Variants in DDX19A observed in about 807,000 individuals in gnomAD.
The protein encoded by DDX19A is DEAD-box helicase 19A.
In DDX19A, 12 loss-of-function variants were observed where a neutral mutation model predicts 60.6. The ratio of observed to expected loss-of-function variants is 0.20; its 90% CI spans 0.13 to 0.32. DDX19A has a LOEUF of 0.32. DDX19A is among the 10% of genes least tolerant of loss of function. DDX19A has a pLI of 1.00. For synonymous variants in DDX19A, 206 were observed against 218.2 expected, an observed-to-expected ratio of 0.94 and a Z score of 0.49; for missense variants, 337 against 600.6, an observed-to-expected ratio of 0.56 and a Z score of 4.59.
intron 2 of DDX19A, among the ~76,000 whole-genome samples, chr16:70,354,758 C>T (rs1964130781): frequency 6.6e-6 from 1 of 152,108 alleles, no homozygotes; most frequent in Admixed American, 6.6e-5. Flanking sequence ...GGCTGGGCAA[C>T]ATGGCAAGAC....
chr16:70,362,115 C>T (rs923347000), intron 5 of DDX19A, among the ~76,000 whole-genome samples: 2 of 150,690 alleles, frequency 1.3e-5, no homozygotes, highest in Admixed American at 6.6e-5. Context: ...GCAGAGGTTG[C>T]AGTGAGCCGA....
intron 4 of DDX19A, chr16:70,356,882 G>A: frequency 7.8e-7 from 1 of 1,277,194 alleles, no homozygotes; most frequent in South Asian, 1.3e-5. Flanking sequence ...GGTGATTTCT[G>A]GATGTCAGGA....
Position 70,346,928 on chromosome 16 carries a change from A to G in DDX19A, c.-64A>G, listed in dbSNP as rs1555551212. On this transcript the variant is annotated 5_prime_UTR_variant, in exon 1 of 12. Transcript: ENST00000302243. Reference sequence around the variant, plus strand: ...GCATTCTCGCGCCGGTGGCGAGGTTAGGGCCCGCGTTGCGACGTGGTGCAG... The same window carrying G: ...GCATTCTCGCGCCGGTGGCGAGGTTGGGGCCCGCGTTGCGACGTGGTGCAG... The G allele has an allele frequency of 1.5e-5, 22 of 1,473,964 alleles. No homozygotes were observed. Among genetic ancestry groups the G allele is most frequent in the Non-Finnish European group, 1.9e-5 (20 of 1,071,844 alleles). 91.3% of individuals were successfully genotyped at this position (1,473,964 alleles called of 1,614,324 possible). A position where few individuals can be genotyped will look rare whatever the true frequency, so the allele number is the denominator to read the frequency against.
At chr16:70,357,893 G>A (rs1567652317) in intron 4 of DDX19A, among the ~76,000 whole-genome samples, 1 of 152,100 alleles carries the variant, frequency 6.6e-6, no homozygotes, top group Non-Finnish European at 1.5e-5. Flanking sequence ...AAAATCTATA[G>A]TATGGCCACT....
intron 10 of DDX19A, 75 bp downstream of exon 10, chr16:70,370,460 ATACAG>A (rs1964651229): frequency 2.6e-5 from 40 of 1,557,582 alleles, no homozygotes; most frequent in Non-Finnish European, 3.4e-5. Context: ...AAATCCTTGT[ATACAG>A]GGAAGTCGGA....
At chr16:70,364,689 G>T in intron 6 of DDX19A, 44 bp downstream of exon 6, 1 of 1,417,222 alleles carries the variant, frequency 7.1e-7, no homozygotes, top group Non-Finnish European at 1.0e-6. Flanking sequence ...CCTGCCCTGG[G>T]GAGCGCAGTG....
chr16:70,366,547 C>G (rs1190193478), intron 8 of DDX19A, 77 bp from the exon 9 acceptor site: 25 of 1,584,950 alleles, frequency 1.6e-5, no homozygotes, highest in Non-Finnish European at 2.1e-5. Flanking sequence ...GCATCTAGAC[C>G]CTCCCAGCTG....
chr16:70,351,871 G>A (rs1435884705), intron 2 of DDX19A, among the ~76,000 whole-genome samples: 2 of 151,952 alleles, frequency 1.3e-5, no homozygotes, highest in Admixed American at 1.3e-4. Flanking sequence ...TCCTGCATGA[G>A]GTAAATTTTT....
At chr16:70,348,267 C>T (rs1202169686) in intron 1 of DDX19A, among the ~76,000 whole-genome samples, 1 of 152,052 alleles carries the variant, frequency 6.6e-6, no homozygotes. Context: ...AACCTGGATC[C>T]TATTGGTACT....
chr16:70,361,027 G>GA (rs1567653700), intron 4 of DDX19A: 9 of 211,026 alleles, frequency 4.3e-5, no homozygotes, highest in Non-Finnish European at 8.4e-5. Context: ...ACAGGCATGA[G>GA]TCACTGTACC....
intron 2 of DDX19A, among the ~76,000 whole-genome samples, chr16:70,351,489 G>A (rs1964015515): frequency 6.6e-6 from 1 of 151,954 alleles, no homozygotes; most frequent in East Asian, 1.9e-4. Context: ...TTACAGGCAT[G>A]AGTCACTGCA....
chr16:70,366,709 G>A lies in DDX19A; in HGVS notation c.868G>A (p.Asp290Asn). 4 of 1,614,228 alleles carry A rather than the reference G, an allele frequency of 2.5e-6. No homozygotes were observed. The highest frequency in any genetic ancestry group is 3.4e-6 in the Non-Finnish European group (4 of 1,180,052). The stretch of plus-strand genomic sequence containing the variant: ...GAAGTTTGCCCAGAAAGTGGTCCCA[G>A]ACCCAAATGTTATCAAACTGAAGCG... ...VWKFAQKVVP[D>N]PNVIKLKREE... The change falls in exon 9 of 12, where the codon GAC becomes AAC. Residue 290 changes from aspartate to asparagine, a missense_variant. Physicochemically the swap from Asp to Asn is conservative, Grantham distance 23. This residue lies in a region of DDX19A where 117 missense variants were observed against 274.3 expected (regional missense o/e 0.43). Coordinates refer to ENST00000302243, the MANE Select transcript of DDX19A (RefSeq NM_018332.5).
intron 11 of DDX19A, 108 bp from the exon 12 acceptor site, chr16:70,371,817 G>A (rs992512290): frequency 6.5e-7 from 1 of 1,526,770 alleles, no homozygotes; most frequent in Non-Finnish European, 9.0e-7. Context: ...GGGCCCTGCT[G>A]CCCCCTGCTT....
In DDX19A at chr16:70,373,214, CAG is replaced by C. The variant is rs2047308658; in HGVS notation, c.*1231_*1232del. The C allele has an allele frequency of 6.6e-6, 1 of 152,194 alleles. No homozygotes were observed. Among genetic ancestry groups the C allele is most frequent in the South Asian group, 2.1e-4 (1 of 4,830 alleles). The allele number at this position is 152,194 out of a possible 1,614,324, so 9.4% of individuals were successfully genotyped here. On this transcript the variant is annotated 3_prime_UTR_variant, in exon 12 of 12. Coordinates refer to ENST00000302243, the MANE Select transcript of DDX19A (RefSeq NM_018332.5). ...CGCCACTGCACTCCAGCCTGGGTAA[CAG>C]AGCGAGACCCCGACTCAATAAATAA...
chr16:70,359,593 C>T (rs192445520), intron 4 of DDX19A, among the ~76,000 whole-genome samples: 2 of 152,152 alleles, frequency 1.3e-5, no homozygotes, highest in African/African-American at 2.4e-5. Context: ...CGGTGGCTCA[C>T]GCCTGTAATC....
At chr16:70,368,580 A>G (rs1232051059) in intron 9 of DDX19A, among the ~76,000 whole-genome samples, 1 of 140,014 alleles carries the variant, frequency 7.1e-6, no homozygotes, top group East Asian at 2.1e-4. Flanking sequence ...GCCAAAAAAT[A>G]CTCTTTTTTT....
chr16:70,356,679 G>T (rs1964197525), intron 4 of DDX19A: 4 of 248,046 alleles, frequency 1.6e-5, no homozygotes, highest in Non-Finnish European at 3.2e-5. Flanking sequence ...TTGAAAAGAA[G>T]TCACATGAAT....
Position 70,366,134 on chromosome 16 carries a change from G to T in DDX19A, c.654G>T (p.Gly218=), listed in dbSNP as rs773603169. The part of the protein sequence containing the change: ...ISEQIVIGTP[G]TVLDWCSKLK... Reference sequence around the variant, plus strand: ...AGCAGATTGTCATTGGCACCCCTGGGACCGTGCTGGACTGGTGCTCCAAGC... The same window carrying T: ...AGCAGATTGTCATTGGCACCCCTGGTACCGTGCTGGACTGGTGCTCCAAGC... The change falls in exon 8 of 12, where the codon GGG becomes GGT. Residue 218 remains glycine (G), a synonymous_variant. Coordinates refer to ENST00000302243, the MANE Select transcript of DDX19A (RefSeq NM_018332.5). 4 of 1,614,146 alleles carry T rather than the reference G, an allele frequency of 2.5e-6. No homozygotes were observed. In the East Asian group the frequency reaches 8.9e-5, roughly 36 times the overall value.
chr16:70,365,119 C>T lies in DDX19A; in HGVS notation c.592C>T (p.Arg198Ter), dbSNP rs776793650. The change falls in exon 7 of 12, where the codon CGA becomes TGA. Residue 198 changes from arginine (R) to a stop codon, truncating the protein, a stop_gained. Coordinates refer to ENST00000302243, the MANE Select transcript of DDX19A (RefSeq NM_018332.5). LOFTEE classifies it high-confidence loss of function. Reference sequence around the variant, plus strand: ...AGAACTGAAGCTTGCCTATGCCGTTCGAGGCAATAAATGTGAGTACGGCAG... The same window carrying T: ...AGAACTGAAGCTTGCCTATGCCGTTTGAGGCAATAAATGTGAGTACGGCAG... ...YPELKLAYAV[R>*]GNKLERGQKI... The T allele has an allele frequency of 6.2e-7, 1 of 1,612,352 alleles. No homozygotes were observed. The highest frequency in any genetic ancestry group is 1.3e-5 in the African/African-American group (1 of 74,824).
Sources: gnomAD v4.1 joint callset for allele counts (sites outside exome capture counted in the v4.1 genomes callset) on GRCh38, gnomAD v4.1.1 for gene constraint, gnomAD v4.1.1 regional missense constraint, MANE v1.5 for transcripts, NCBI Gene and HGNC (gene_info 2026-07-23, HGNC 2026-07-21) for gene names.